Variants in FSTL5 observed in about 807,000 individuals in gnomAD.
The protein encoded by FSTL5 is follistatin-related protein 5.
FSTL5 carries 62 observed loss-of-function variants against 89.1 expected under a neutral mutation model. The ratio of observed to expected loss-of-function variants is 0.70; its 90% CI spans 0.57 to 0.86. The LOEUF is 0.86. Among genes scored for constraint, FSTL5 ranks in the 40% least tolerant of loss-of-function variants. The pLI is 0.00. For synonymous variants in FSTL5, 383 were observed against 346.2 expected, an observed-to-expected ratio of 1.11 and a Z score of -1.18; for missense variants, 1,057 against 1,001.6, an observed-to-expected ratio of 1.06 and a Z score of -0.75.
chr4:161,796,684 C>T (rs975295854), intron 4 of FSTL5, among the ~76,000 whole-genome samples: 27 of 151,286 alleles, frequency 1.8e-4, no homozygotes, highest in Admixed American at 5.9e-4. Context: ...TTAACCAGTT[C>T]GAAATGTATG....
chr4:161,946,829 T>A (rs758185640), intron 3 of FSTL5, among the ~76,000 whole-genome samples: 1 of 152,160 alleles, frequency 6.6e-6, no homozygotes, highest in Non-Finnish European at 1.5e-5. Context: ...AAACTTTTAT[T>A]TAAAGTGGCT....
chr4:162,140,311 T>C (rs1034138121), intron 1 of FSTL5, among the ~76,000 whole-genome samples: 2 of 151,394 alleles, frequency 1.3e-5, no homozygotes, highest in African/African-American at 4.8e-5. Context: ...AGGAAATATA[T>C]GCACAAATAT....
intron 7 of FSTL5, among the ~76,000 whole-genome samples, chr4:161,611,231 C>CATATATATATATATATATATAT (rs70937667): frequency 7.8e-6 from 1 of 128,490 alleles, no homozygotes; most frequent in Non-Finnish European, 1.6e-5. Flanking sequence ...TATGTGTATA[C>CATATATATATATATATATATAT]ATATATATAT....
chr4:161,661,301 T>A (rs1252158333), intron 6 of FSTL5, among the ~76,000 whole-genome samples: 1 of 152,164 alleles, frequency 6.6e-6, no homozygotes, highest in Non-Finnish European at 1.5e-5. Context: ...TAAATCTGTT[T>A]AAACACTAGA....
chr4:161,796,274 A>G (rs1169195205), intron 4 of FSTL5, among the ~76,000 whole-genome samples: 1 of 151,888 alleles, frequency 6.6e-6, no homozygotes, highest in Admixed American at 6.6e-5. Context: ...CTCCTTGATC[A>G]GCACAAATTG....
chr4:161,513,281 G>C (rs1441882817), intron 10 of FSTL5, among the ~76,000 whole-genome samples: 2 of 64,386 alleles, frequency 3.1e-5, no homozygotes, highest in African/African-American at 1.0e-4. Context: ...GGGAGAGAGA[G>C]AGAGAGAGAG....
At chr4:161,523,595 T>C (rs576468699) in intron 10 of FSTL5, among the ~76,000 whole-genome samples, 3 of 152,238 alleles carry the variant, frequency 2.0e-5, no homozygotes, top group Non-Finnish European at 4.4e-5. Flanking sequence ...CACTATCTTT[T>C]AGGAAATTCT....
At chr4:161,512,883 A>C (rs1270125085) in intron 10 of FSTL5, among the ~76,000 whole-genome samples, 1 of 152,146 alleles carries the variant, frequency 6.6e-6, no homozygotes, top group East Asian at 1.9e-4. Context: ...ACAAAGTTTT[A>C]ACAATACAAT....
At chr4:162,039,127 T>A (rs1287631090) in intron 2 of FSTL5, among the ~76,000 whole-genome samples, 1 of 151,768 alleles carries the variant, frequency 6.6e-6, no homozygotes, top group Non-Finnish European at 1.5e-5. Context: ...CAGAATTGAG[T>A]TGGTCTCCTA....
At chr4:161,888,685 A>G (rs992176865) in intron 4 of FSTL5, among the ~76,000 whole-genome samples, 4 of 152,110 alleles carry the variant, frequency 2.6e-5, no homozygotes, top group Non-Finnish European at 5.9e-5. Context: ...TATTTAATAT[A>G]TATTAGATTT....
intron 3 of FSTL5, among the ~76,000 whole-genome samples, chr4:162,002,512 T>C (rs764076972): frequency 9.2e-5 from 14 of 152,218 alleles, no homozygotes; most frequent in Non-Finnish European, 1.5e-4. Flanking sequence ...ATATATCTTG[T>C]TGGCAGTCCT....
intron 8 of FSTL5, among the ~76,000 whole-genome samples, chr4:161,565,043 G>A (rs1578929140): frequency 6.6e-6 from 1 of 151,800 alleles, no homozygotes; most frequent in African/African-American, 2.4e-5. Context: ...AGAAGCCACA[G>A]TACAGGGAAC....
At chr4:161,819,288 T>G (rs1404585521) in intron 4 of FSTL5, among the ~76,000 whole-genome samples, 1 of 152,170 alleles carries the variant, frequency 6.6e-6, no homozygotes, top group Admixed American at 6.5e-5. Flanking sequence ...TAAAAATGTC[T>G]ACTGAAAATA....
intron 6 of FSTL5, among the ~76,000 whole-genome samples, chr4:161,714,787 G>C (rs929305286): frequency 6.6e-6 from 1 of 152,122 alleles, no homozygotes; most frequent in South Asian, 2.1e-4. Flanking sequence ...TTTGATTATA[G>C]AAGCAAAGAG....
intron 14 of FSTL5, among the ~76,000 whole-genome samples, chr4:161,456,267 T>C (rs1174670849): frequency 1.3e-5 from 2 of 152,212 alleles, no homozygotes; most frequent in Admixed American, 6.5e-5. Context: ...TTTGAAATTT[T>C]TGTAAGACAC....
intron 3 of FSTL5, among the ~76,000 whole-genome samples, chr4:162,031,677 C>A (rs1203680095): frequency 6.6e-6 from 1 of 152,102 alleles, no homozygotes; most frequent in East Asian, 1.9e-4. Context: ...GTGGCTCAAG[C>A]CTGTAATCCC....
chr4:161,536,287 C>G (rs1174870836), intron 10 of FSTL5, among the ~76,000 whole-genome samples: 2 of 152,048 alleles, frequency 1.3e-5, no homozygotes, highest in African/African-American at 4.8e-5. Context: ...AAATATCTAG[C>G]ATTCCAAAAT....
chr4:161,906,477 TA>T (rs939197887), intron 4 of FSTL5, among the ~76,000 whole-genome samples: 1 of 151,824 alleles, frequency 6.6e-6, no homozygotes, highest in South Asian at 2.1e-4. Context: ...GAATTTTTCT[TA>T]AAAAAAAGGA....
chr4:161,733,591 A>T (rs1739690456), intron 6 of FSTL5, among the ~76,000 whole-genome samples: 1 of 152,066 alleles, frequency 6.6e-6, no homozygotes, highest in African/African-American at 2.4e-5. Flanking sequence ...GTAGAAAGAA[A>T]GTATCGAGTT....
Sources: gnomAD v4.1 joint callset for allele counts (sites outside exome capture counted in the v4.1 genomes callset) on GRCh38, gnomAD v4.1.1 for gene constraint, MANE v1.5 for transcripts, NCBI Gene and HGNC (gene_info 2026-07-23, HGNC 2026-07-21) for gene names.